Variants in LRP1B observed in about 807,000 individuals in gnomAD.
LRP1B encodes the protein low-density lipoprotein receptor-related protein 1B.
Under a neutral mutation model 556.6 loss-of-function variants are expected in LRP1B, and 217 were observed. The observed-to-expected ratio is 0.39, with a 90% CI of 0.35 to 0.44. LRP1B has a LOEUF of 0.44. Ranked by LOEUF, LRP1B falls within the 20% of genes least tolerant of loss-of-function variation. The pLI, the probability that LRP1B is intolerant of heterozygous loss-of-function variation, is 1.00. For missense variants in LRP1B, 5,053 were observed against 5,620.8 expected (o/e 0.90, Z 3.23); for synonymous variants, 2,047 against 1,865.8 (o/e 1.10, Z -2.50).
chr2:141,744,243 A>G (rs1006831827), intron 2 of LRP1B, among the ~76,000 whole-genome samples: 1 of 151,954 alleles, frequency 6.6e-6, no homozygotes, highest in African/African-American at 2.4e-5. Context: ...TCATTGATCT[A>G]CTTGTCATTC....
At chr2:141,782,648 G>T (rs1695295495) in intron 2 of LRP1B, among the ~76,000 whole-genome samples, 1 of 150,472 alleles carries the variant, frequency 6.6e-6, no homozygotes, top group South Asian at 2.1e-4. Flanking sequence ...TATAGGGTTT[G>T]TGTGAAACTC....
At chr2:140,758,032 C>T (rs938165416) in intron 35 of LRP1B, among the ~76,000 whole-genome samples, 103 of 152,192 alleles carry the variant, frequency 6.8e-4, no homozygotes, top group African/African-American at 2.4e-3. Context: ...TGTAAATATA[C>T]TGAAAACCAT....
intron 86 of LRP1B, among the ~76,000 whole-genome samples, chr2:140,265,367 T>G (rs1240618785): frequency 6.6e-6 from 1 of 152,092 alleles, no homozygotes; most frequent in African/African-American, 2.4e-5. Flanking sequence ...TGCAAAAAAA[T>G]CTAGTTTTTG....
chr2:141,284,581 T>C (rs1685636006), intron 3 of LRP1B, among the ~76,000 whole-genome samples: 1 of 152,250 alleles, frequency 6.6e-6, no homozygotes, highest in Non-Finnish European at 1.5e-5. Context: ...AGATTTCCTC[T>C]AAAAGCTTTA....
chr2:140,934,827 T>G (rs1413816261), intron 20 of LRP1B, among the ~76,000 whole-genome samples: 1 of 152,188 alleles, frequency 6.6e-6, no homozygotes, highest in African/African-American at 2.4e-5. Flanking sequence ...TAAGAGCCAG[T>G]GCCCTCTTAC....
intron 84 of LRP1B, among the ~76,000 whole-genome samples, chr2:140,285,462 G>GATT (rs760099499): frequency 6.1e-4 from 92 of 151,492 alleles, no homozygotes; most frequent in African/African-American, 2.2e-3. Context: ...ATGTAGAAGT[G>GATT]ATTATTATTT....
chr2:141,590,515 T>C (rs1343243237), intron 2 of LRP1B, among the ~76,000 whole-genome samples: 1 of 152,132 alleles, frequency 6.6e-6, no homozygotes, highest in African/African-American at 2.4e-5. Context: ...AATGGGGATG[T>C]CATTCTGAAT....
intron 1 of LRP1B, among the ~76,000 whole-genome samples, chr2:141,887,436 C>A (rs2104906254): frequency 6.6e-6 from 1 of 152,294 alleles, no homozygotes; most frequent in African/African-American, 2.4e-5. Flanking sequence ...TGTCTCAGGG[C>A]TTTTCCTGTG....
At chr2:141,409,830 G>A (rs1006237296) in intron 3 of LRP1B, among the ~76,000 whole-genome samples, 1 of 152,078 alleles carries the variant, frequency 6.6e-6, no homozygotes, top group Non-Finnish European at 1.5e-5. Context: ...ATCTGAGGAG[G>A]TGATATTTTA....
chr2:141,173,837 C>G (rs113422127), intron 7 of LRP1B, among the ~76,000 whole-genome samples: 13 of 152,148 alleles, frequency 8.5e-5, no homozygotes, highest in African/African-American at 2.9e-4. Flanking sequence ...CTCTGTTCTT[C>G]CTGCTATGTG....
chr2:140,974,791 A>G (rs889095662), intron 18 of LRP1B, among the ~76,000 whole-genome samples: 3 of 152,222 alleles, frequency 2.0e-5, no homozygotes, highest in African/African-American at 4.8e-5. Context: ...ACCATTTCAT[A>G]TAATAGGGGA....
intron 1 of LRP1B, among the ~76,000 whole-genome samples, chr2:142,047,423 A>G (rs1340340467): frequency 6.6e-6 from 1 of 152,016 alleles, no homozygotes; most frequent in African/African-American, 2.4e-5. Flanking sequence ...CTCATTCAGA[A>G]GGTCTGTAGT....
At chr2:140,794,036 G>T (rs1690213308) in intron 32 of LRP1B, among the ~76,000 whole-genome samples, 1 of 152,030 alleles carries the variant, frequency 6.6e-6, no homozygotes, top group Admixed American at 6.6e-5. Flanking sequence ...TCTACTAGTT[G>T]TGTTCTCAGT....
intron 41 of LRP1B, among the ~76,000 whole-genome samples, chr2:140,691,325 G>A (rs1686232212): frequency 6.6e-6 from 1 of 151,928 alleles, no homozygotes; most frequent in African/African-American, 2.4e-5. Flanking sequence ...TACAAAATTA[G>A]TCAGGCGTGG....
intron 66 of LRP1B, among the ~76,000 whole-genome samples, chr2:140,418,362 A>G (rs1410017101): frequency 6.6e-6 from 1 of 152,186 alleles, no homozygotes; most frequent in East Asian, 1.9e-4. Flanking sequence ...GAAGGAGTGG[A>G]TCTGTGACCC....
intron 15 of LRP1B, among the ~76,000 whole-genome samples, chr2:140,999,146 T>C (rs1037074782): frequency 2.0e-5 from 3 of 152,110 alleles, no homozygotes; most frequent in African/African-American, 7.2e-5. Flanking sequence ...AAACATACTT[T>C]GTGTTCTTTC....
intron 49 of LRP1B, among the ~76,000 whole-genome samples, chr2:140,524,821 G>C (rs1342076681): frequency 6.6e-6 from 1 of 151,664 alleles, no homozygotes; most frequent in African/African-American, 2.4e-5. Context: ...GGAGGCAAAG[G>C]ACTGAAAAAC....
intron 41 of LRP1B, among the ~76,000 whole-genome samples, chr2:140,664,154 TTACCATAA>T (rs1339222806): frequency 1.3e-5 from 2 of 152,060 alleles, no homozygotes; most frequent in East Asian, 3.9e-4. Context: ...TGATTGCAAA[TTACCATAA>T]CAGATATAAT....
At chr2:140,512,027 T>TC (rs1689684829) in intron 51 of LRP1B, among the ~76,000 whole-genome samples, 1 of 152,220 alleles carries the variant, frequency 6.6e-6, no homozygotes, top group Non-Finnish European at 1.5e-5. Flanking sequence ...TGCATTTTTT[T>TC]CTCTTAAGGA....
Sources: gnomAD v4.1 joint callset for allele counts (sites outside exome capture counted in the v4.1 genomes callset) on GRCh38, gnomAD v4.1.1 for gene constraint, MANE v1.5 for transcripts, NCBI Gene and HGNC (gene_info 2026-07-23, HGNC 2026-07-21) for gene names.